Variants in ERAP1 observed in about 807,000 individuals in gnomAD.
The protein encoded by ERAP1 is endoplasmic reticulum aminopeptidase 1.
A neutral mutation model predicts 103.7 loss-of-function variants in ERAP1; 86 were observed. That is an observed-to-expected ratio of 0.83 (90% confidence interval 0.70 to 0.99). ERAP1 has a LOEUF of 0.99. Ranked by LOEUF, ERAP1 falls within the 50% of genes least tolerant of loss-of-function variation. The pLI, the probability that ERAP1 is intolerant of heterozygous loss-of-function variation, is 0.00. For synonymous variants in ERAP1, 398 were observed against 402.4 expected (o/e 0.99, Z 0.13); for missense variants, 1,009 against 1,128.4 (o/e 0.89, Z 1.52).
At chr5:96,866,297 T>G in the ERAP1 span, among the ~76,000 whole-genome samples, 7 of 152,218 alleles carry the variant, frequency 4.6e-5, no homozygotes, top group African/African-American at 1.7e-4. Context: ...ACAAGCTGTT[T>G]ATACTTAATG....
At chr5:96,891,497 G>GTA in the ERAP1 span, among the ~76,000 whole-genome samples, 1,262 of 85,404 alleles carry the variant, frequency 0.015, 47 homozygotes, top group South Asian at 0.14. Context: ...GTGTGTGTGT[G>GTA]TGTATATATA....
At chr5:96,821,503 G>T in the ERAP1 span, among the ~76,000 whole-genome samples, 1 of 152,194 alleles carries the variant, frequency 6.6e-6, no homozygotes, top group Non-Finnish European at 1.5e-5. Flanking sequence ...CATTCAGGCT[G>T]ATGGGACCCA....
chr5:96,849,299 G>T, the ERAP1 span, among the ~76,000 whole-genome samples: 6,627 of 152,140 alleles, frequency 0.044, 202 homozygotes, highest in Middle Eastern at 0.092. Flanking sequence ...GAAATAAAAG[G>T]CATCCAAATA....
At chr5:96,815,635 C>T in the ERAP1 span, among the ~76,000 whole-genome samples, 1 of 152,076 alleles carries the variant, frequency 6.6e-6, no homozygotes, top group Non-Finnish European at 1.5e-5. Flanking sequence ...TGGTCTTGAA[C>T]TCCTGACCTC....
the ERAP1 span, among the ~76,000 whole-genome samples, chr5:96,860,504 A>G: frequency 6.6e-6 from 1 of 152,204 alleles, no homozygotes; most frequent in African/African-American, 2.4e-5. Context: ...CTAGTCTTAC[A>G]TTCATTCAAC....
chr5:96,825,489 A>G, the ERAP1 span, among the ~76,000 whole-genome samples: 1 of 152,212 alleles, frequency 6.6e-6, no homozygotes, highest in Admixed American at 6.5e-5. Context: ...ATAAATGTCA[A>G]TTAGATCCAG....
chr5:96,818,600 T>G, the ERAP1 span, among the ~76,000 whole-genome samples: 5 of 152,190 alleles, frequency 3.3e-5, no homozygotes, highest in Non-Finnish European at 7.3e-5. Flanking sequence ...TCATCCTTAA[T>G]TAAGGCCTGG....
chr5:96,855,132 A>G, the ERAP1 span, among the ~76,000 whole-genome samples: 1 of 152,182 alleles, frequency 6.6e-6, no homozygotes, highest in African/African-American at 2.4e-5. Flanking sequence ...GTTGGGGGAA[A>G]TTGCATAAAC....
At chr5:96,893,364 A>T in the ERAP1 span, among the ~76,000 whole-genome samples, 1 of 152,204 alleles carries the variant, frequency 6.6e-6, no homozygotes, top group Non-Finnish European at 1.5e-5. Context: ...TCGTCACCAC[A>T]ATAATGAGCT....
the ERAP1 span, among the ~76,000 whole-genome samples, chr5:96,878,554 G>C: frequency 6.6e-6 from 1 of 152,148 alleles, no homozygotes; most frequent in Non-Finnish European, 1.5e-5. Flanking sequence ...AGCTAATTGG[G>C]AGGCTGAGAC....
chr5:96,843,083 T>C, the ERAP1 span, among the ~76,000 whole-genome samples: 4 of 152,082 alleles, frequency 2.6e-5, no homozygotes, highest in Non-Finnish European at 5.9e-5. Flanking sequence ...GGACAAAGAA[T>C]TGGACAAAAC....
the ERAP1 span, among the ~76,000 whole-genome samples, chr5:96,858,899 CTG>C: frequency 3.4e-4 from 52 of 152,292 alleles, 1 homozygote; most frequent in Middle Eastern, 6.8e-3. Context: ...TAAAACTTCC[CTG>C]TGTTCTTGAT....
the ERAP1 span, chr5:96,895,345 C>A: frequency 9.3e-6 from 15 of 1,606,430 alleles, no homozygotes; most frequent in Non-Finnish European, 1.3e-5. Context: ...TGCTACATAT[C>A]CAGAGCTGCA....
upstream of ERAP1, among the ~76,000 whole-genome samples, chr5:96,811,479 A>G (rs1326784449): frequency 6.6e-6 from 1 of 152,244 alleles, no homozygotes; most frequent in African/African-American, 2.4e-5. Context: ...AGCCTGCTTT[A>G]AAGTGAAGCC....
chr5:96,869,842 A>G, the ERAP1 span, among the ~76,000 whole-genome samples: 5 of 152,330 alleles, frequency 3.3e-5, no homozygotes, highest in Middle Eastern at 3.4e-3. Flanking sequence ...AGGCTTAGGG[A>G]AATCTGCAAG....
the ERAP1 span, among the ~76,000 whole-genome samples, chr5:96,843,572 G>A: frequency 6.6e-6 from 1 of 152,266 alleles, no homozygotes; most frequent in African/African-American, 2.4e-5. Flanking sequence ...GAAAGTTGGG[G>A]TTTTCCTTTT....
At chr5:96,878,013 G>C in the ERAP1 span, among the ~76,000 whole-genome samples, 5 of 152,210 alleles carry the variant, frequency 3.3e-5, no homozygotes, top group Non-Finnish European at 1.5e-5. Flanking sequence ...TTCATGGTTT[G>C]AGTTGGAGCA....
In ERAP1 at chr5:96,781,732, A is replaced by G; in HGVS notation, c.2408T>C (p.Phe803Ser). Residue 803 changes from phenylalanine (F) to serine (S), a missense_variant, in exon 16 of 19, where the codon TTT (phenylalanine) becomes TCT (serine). Physicochemically the swap from Phe to Ser is radical, Grantham distance 155. This residue lies in a region of ERAP1 where 611 missense variants were observed against 651.7 expected (regional missense o/e 0.94). Coordinates refer to ENST00000443439, the MANE Select transcript of ERAP1 (RefSeq NM_001040458.3). ...CTTATTTTGGGTTCTGCAGAGGGCAAATTCAATTTGGCTTTTCTCAGTACT... is the reference window on the plus strand; with the variant it reads ...CTTATTTTGGGTTCTGCAGAGGGCAGATTCAATTTGGCTTTTCTCAGTACT... ...LSSTEKSQIE[F>S]ALCRTQNKEK... 2 of 1,614,172 alleles carry G rather than the reference A, an allele frequency of 1.2e-6. No homozygotes were observed. The highest frequency in any genetic ancestry group is 1.7e-6 in the Non-Finnish European group (2 of 1,180,026).
At chr5:96,879,141 C>T in the ERAP1 span, among the ~76,000 whole-genome samples, 1 of 152,086 alleles carries the variant, frequency 6.6e-6, no homozygotes, top group South Asian at 2.1e-4. Context: ...ATCACTTGAG[C>T]CCAGGAAGTT....
Sources: allele counts gnomAD v4.1 joint callset (sites outside exome capture counted in the v4.1 genomes callset), GRCh38; gene constraint gnomAD v4.1.1; regional missense constraint gnomAD v4.1.1; transcripts MANE v1.5; gene names NCBI Gene and HGNC (gene_info 2026-07-23, HGNC 2026-07-21).